The following NR3C1 variants were observed in gnomAD, a reference collection of about 807,000 sequenced individuals.
The protein encoded by NR3C1 is glucocorticoid receptor.
Under a neutral mutation model 74.0 loss-of-function variants are expected in NR3C1, and 14 were observed. The observed-to-expected ratio is 0.19, with a 90% CI of 0.12 to 0.30. The LOEUF (loss-of-function observed/expected upper bound fraction) is 0.30, where lower values mean the gene tolerates loss of function less well. NR3C1 is among the 10% of genes least tolerant of loss of function. The probability of loss-of-function intolerance (pLI) is 1.00; values close to 1 mark genes in which losing one functional copy is unlikely to be tolerated. For synonymous variants in NR3C1, 308 were observed against 332.5 expected (o/e 0.93, Z 0.80); for missense variants, 695 against 909.8 (o/e 0.76, Z 3.04).
intron 7 of NR3C1, among the ~76,000 whole-genome samples, chr5:143,284,469 A>AGAAAAT (rs1193001004): frequency 4.1e-5 from 5 of 122,402 alleles, no homozygotes; most frequent in African/African-American, 1.4e-4. Flanking sequence ...TTAATTTTAC[A>AGAAAAT]CATTACTATA....
chr5:143,415,164 C>T (rs139821826), intron 1 of NR3C1, among the ~76,000 whole-genome samples: 1 of 152,264 alleles, frequency 6.6e-6, no homozygotes, highest in East Asian at 1.9e-4. Flanking sequence ...GTAAAAACTT[C>T]CTCACACAAT....
At chr5:143,309,533 C>A (rs1054652413) in intron 4 of NR3C1, among the ~76,000 whole-genome samples, 13 of 152,072 alleles carry the variant, frequency 8.5e-5, no homozygotes, top group Non-Finnish European at 1.8e-4. Context: ...AGGATTCTCA[C>A]AAACTTCGGG....
At chr5:143,330,748 C>A (rs374134027) in intron 2 of NR3C1, among the ~76,000 whole-genome samples, 1 of 152,152 alleles carries the variant, frequency 6.6e-6, no homozygotes, top group African/African-American at 2.4e-5. Flanking sequence ...TAATTACCAA[C>A]ATAATTTTTA....
chr5:143,315,637 C>G (rs1821920967), intron 2 of NR3C1, among the ~76,000 whole-genome samples: 1 of 152,040 alleles, frequency 6.6e-6, no homozygotes, highest in African/African-American at 2.4e-5. Flanking sequence ...AGTAGTAAGT[C>G]TCAATTACAA....
At chr5:143,310,065 G>T (rs368451920) in intron 4 of NR3C1, 32 bp downstream of exon 4, 3 of 1,474,970 alleles carry the variant, frequency 2.0e-6, no homozygotes, top group African/African-American at 2.8e-5. Flanking sequence ...AAGCTACAGA[G>T]ACAAACAATT....
chr5:143,384,345 T>C (rs1029703636), intron 2 of NR3C1, among the ~76,000 whole-genome samples: 4 of 152,304 alleles, frequency 2.6e-5, no homozygotes, highest in Admixed American at 2.0e-4. Flanking sequence ...CTCATGTTCT[T>C]ACATTTCAAA....
intron 2 of NR3C1, among the ~76,000 whole-genome samples, chr5:143,372,300 G>T (rs1202937376): frequency 6.6e-6 from 1 of 152,104 alleles, no homozygotes; most frequent in African/African-American, 2.4e-5. Flanking sequence ...CACCACTCCT[G>T]CACTTTGGGG....
chr5:143,409,609 C>A (rs1333427060), intron 1 of NR3C1, among the ~76,000 whole-genome samples: 2 of 152,204 alleles, frequency 1.3e-5, no homozygotes, highest in African/African-American at 4.8e-5. Context: ...GAAAATACTT[C>A]TATTCCTATT....
chr5:143,390,410 T>C (rs1422846677), intron 2 of NR3C1, among the ~76,000 whole-genome samples: 1 of 152,162 alleles, frequency 6.6e-6, no homozygotes, highest in African/African-American at 2.4e-5. Flanking sequence ...GAATGAGAAA[T>C]TAAACTGTTT....
chr5:143,404,610 T>G, upstream of NR3C1: 1 of 437,390 alleles, frequency 2.3e-6, no homozygotes, highest in Non-Finnish European at 2.8e-6. Context: ...TCCCGCCCAA[T>G]GTGCTCACAC....
intron 2 of NR3C1, among the ~76,000 whole-genome samples, chr5:143,372,900 T>C (rs1474964489): frequency 6.6e-6 from 1 of 152,204 alleles, no homozygotes; most frequent in African/African-American, 2.4e-5. Context: ...AGTTTTCCTT[T>C]TAGGAACTTT....
chr5:143,405,270 G>T, upstream of NR3C1: 1 of 985,692 alleles, frequency 1.0e-6, no homozygotes. Context: ...CTCCTGACAC[G>T]GGCGGGGGCT....
At chr5:143,354,055 G>A (rs995426125) in intron 2 of NR3C1, among the ~76,000 whole-genome samples, 4 of 152,278 alleles carry the variant, frequency 2.6e-5, no homozygotes, top group African/African-American at 9.6e-5. Flanking sequence ...ATGTTACAGC[G>A]CTGGCTTCTT....
intron 1 of NR3C1, among the ~76,000 whole-genome samples, chr5:143,419,754 C>T (rs942805765): frequency 6.6e-6 from 1 of 152,130 alleles, no homozygotes; most frequent in Admixed American, 6.5e-5. Context: ...ATTAAAATTG[C>T]TAACAAAGTT....
intron 2 of NR3C1, among the ~76,000 whole-genome samples, chr5:143,326,694 A>G (rs1824682728): frequency 1.3e-5 from 2 of 152,194 alleles, no homozygotes; most frequent in South Asian, 2.1e-4. Flanking sequence ...CTGTCCCACT[A>G]AAGTATCAAA....
chr5:143,372,232 C>T (rs1028375816), intron 2 of NR3C1, among the ~76,000 whole-genome samples: 9 of 152,170 alleles, frequency 5.9e-5, no homozygotes, highest in African/African-American at 2.2e-4. Context: ...GAATTTTCAT[C>T]TTTCACTTAA....
intron 2 of NR3C1, among the ~76,000 whole-genome samples, chr5:143,324,991 G>A (rs1269724340): frequency 6.6e-6 from 1 of 152,132 alleles, no homozygotes; most frequent in African/African-American, 2.4e-5. Flanking sequence ...TCAGCATGTT[G>A]GTCAAAGCCA....
intron 2 of NR3C1, chr5:143,332,888 G>T: frequency 6.7e-7 from 1 of 1,498,786 alleles, no homozygotes; most frequent in Non-Finnish European, 9.2e-7. Context: ...ATCTAAAAAT[G>T]CTGCATATAG....
rs915958636 is a variant in NR3C1 at position 143,413,901 on chromosome 5, G to A, written c.-13-13049C>T. Among the ~76,000 whole-genome samples the A allele has an allele frequency of 2.4e-4, 13 of 55,190 alleles. 1 individual carries two copies. In the Admixed American group the frequency reaches 2.9e-3, roughly 12 times the overall value. The allele number at this position is 55,190 out of a possible 152,430, so 36.2% of individuals were successfully genotyped here. On this transcript the variant is annotated intron_variant, in intron 1 of 8. Transcript: ENST00000343796. ...ATTTTAAATTTAAATAGGAGAAAAG[G>A]GATTTCTGGGCATGCAGAAAAAAAC...
Sources: allele counts gnomAD v4.1 joint callset (sites outside exome capture counted in the v4.1 genomes callset), GRCh38; gene constraint gnomAD v4.1.1; transcripts MANE v1.5; gene names NCBI Gene and HGNC (gene_info 2026-07-23, HGNC 2026-07-21).